The following UNC13B variants were observed in gnomAD, a reference collection of about 807,000 sequenced individuals.
The protein encoded by UNC13B is protein unc-13 homolog B.
A neutral mutation model predicts 211.0 loss-of-function variants in UNC13B; 144 were observed. The ratio of observed to expected loss-of-function variants is 0.68; its 90% CI spans 0.60 to 0.78. The LOEUF is 0.78. Ranked by LOEUF, UNC13B falls within the 30% of genes least tolerant of loss-of-function variation. The pLI, the probability that UNC13B is intolerant of heterozygous loss-of-function variation, is 0.00. For synonymous variants in UNC13B, 709 were observed against 725.8 expected (o/e 0.98, Z 0.37); for missense variants, 1,777 against 2,002.0 (o/e 0.89, Z 2.14).
intron 1 of UNC13B, among the ~76,000 whole-genome samples, chr9:35,174,052 A>G (rs1351945950): frequency 6.6e-6 from 1 of 152,226 alleles, no homozygotes; most frequent in Non-Finnish European, 1.5e-5. Context: ...ACTTATTTTA[A>G]TATAAAAACA....
At chr9:35,331,792 T>C (rs1311074772) in intron 11 of UNC13B, among the ~76,000 whole-genome samples, 2 of 152,228 alleles carry the variant, frequency 1.3e-5, no homozygotes, top group Non-Finnish European at 2.9e-5. Flanking sequence ...CTATTATTCT[T>C]AGATTCTCCC....
At chr9:35,187,758 G>A (rs2131330194) in intron 1 of UNC13B, among the ~76,000 whole-genome samples, 1 of 152,220 alleles carries the variant, frequency 6.6e-6, no homozygotes, top group East Asian at 1.9e-4. Context: ...TCCTCTTAAG[G>A]TCCCAAGATA....
intron 1 of UNC13B, among the ~76,000 whole-genome samples, chr9:35,189,652 T>C (rs1822545667): frequency 6.6e-6 from 1 of 152,136 alleles, no homozygotes; most frequent in African/African-American, 2.4e-5. Context: ...ACTTGTAACA[T>C]TTTTCATTTG....
rs932006200 is a variant in UNC13B at position 35,302,990 on chromosome 9, A to G, written c.3586A>G (p.Ile1196Val). The part of the protein sequence containing the change: ...IFNLLSNSGM[I>V]DHKPEEAKFM... ...TAACCTGCTATCAAATAGCGGTATG[A>G]TTGATCATAAACCAGAGGAAGCAAA... is the stretch of plus-strand genomic sequence containing the variant. Residue 1196 changes from isoleucine to valine, a missense_variant, in exon 9 of 40, where the codon ATT (isoleucine) becomes GTT (valine). Physicochemically the swap from Ile to Val is conservative, Grantham distance 29. Transcript: ENST00000635942. 1 of 398,604 alleles carries G rather than the reference A, an allele frequency of 2.5e-6. No individual in the cohort carries two copies. The highest frequency in any genetic ancestry group is 2.1e-5 in the African/African-American group (1 of 48,616). 24.7% of individuals were successfully genotyped at this position (398,604 alleles called of 1,614,324 possible).
intron 1 of UNC13B, among the ~76,000 whole-genome samples, chr9:35,203,061 G>T (rs1823410874): frequency 6.6e-6 from 1 of 152,114 alleles, no homozygotes; most frequent in African/African-American, 2.4e-5. Context: ...CAAAGTGCTG[G>T]GATTACAGGT....
At chr9:35,257,618 T>G (rs1260722097) in intron 6 of UNC13B, among the ~76,000 whole-genome samples, 3 of 143,896 alleles carry the variant, frequency 2.1e-5, no homozygotes, top group Non-Finnish European at 4.5e-5. Flanking sequence ...AAAGATGTTT[T>G]GAACATTTTT....
Position 35,386,182 on chromosome 9 carries a change from C to A in UNC13B, c.10983C>A (p.Ser3661Arg). 1 of 1,614,172 alleles carries A rather than the reference C, an allele frequency of 6.2e-7. No homozygotes were observed. The highest frequency in any genetic ancestry group is 8.5e-7 in the Non-Finnish European group (1 of 1,180,004). The change falls in exon 24 of 40, where the codon AGC (serine) becomes AGA (arginine). Residue 3661 changes from serine to arginine, a missense_variant. Coordinates refer to ENST00000635942, the MANE Select transcript of UNC13B (RefSeq NM_001371189.2). ...ATTGGCAGGTACAAGAACTGCAAAGCCCTCCAAGAGCCAGCCAGGTGGTAA... is the reference window on the plus strand; with the variant it reads ...ATTGGCAGGTACAAGAACTGCAAAGACCTCCAAGAGCCAGCCAGGTGGTAA... Reference protein sequence around the residue: ...FFRMKVQELQSPPRASQVVKD... With the variant: ...FFRMKVQELQRPPRASQVVKD...
At chr9:35,318,992 G>C (rs1830601503) in intron 11 of UNC13B, among the ~76,000 whole-genome samples, 1 of 152,170 alleles carries the variant, frequency 6.6e-6, no homozygotes, top group African/African-American at 2.4e-5. Flanking sequence ...GATAACAAGT[G>C]AAAGAAAATA....
At chr9:35,209,998 G>T (rs975580225) in intron 1 of UNC13B, among the ~76,000 whole-genome samples, 1 of 152,030 alleles carries the variant, frequency 6.6e-6, no homozygotes, top group African/African-American at 2.4e-5. Context: ...TCACCACTTT[G>T]GGAGGCCAAG....
intron 6 of UNC13B, among the ~76,000 whole-genome samples, chr9:35,251,484 G>T (rs372198159): frequency 6.6e-6 from 1 of 152,086 alleles, no homozygotes; most frequent in Non-Finnish European, 1.5e-5. Flanking sequence ...CTACTTGGGA[G>T]GCTGAGGCAG....
At chr9:35,310,443 T>C (rs1475907571) in intron 9 of UNC13B, 24 bp from the exon 10 acceptor site, 2 of 1,605,370 alleles carry the variant, frequency 1.2e-6, no homozygotes, top group Admixed American at 1.7e-5. Context: ...TATTTACTTA[T>C]CTGTCTTTCT....
chr9:35,357,627 T>C (rs1482725139), intron 11 of UNC13B, among the ~76,000 whole-genome samples: 1 of 151,268 alleles, frequency 6.6e-6, no homozygotes, highest in Non-Finnish European at 1.5e-5. Context: ...TTGGCTCATG[T>C]CTGTAATCCC....
At chr9:35,173,349 C>G (rs557118373) in intron 1 of UNC13B, among the ~76,000 whole-genome samples, 6 of 152,136 alleles carry the variant, frequency 3.9e-5, no homozygotes, top group African/African-American at 1.2e-4. Context: ...GCCCTCCATT[C>G]CCACAATTAC....
chr9:35,366,160 AG>A (rs1833758240), intron 11 of UNC13B, among the ~76,000 whole-genome samples: 1 of 152,234 alleles, frequency 6.6e-6, no homozygotes, highest in South Asian at 2.1e-4. Flanking sequence ...GCCTGAAAAA[AG>A]CATGTGCTAT....
chr9:35,183,395 G>A (rs1278152766), intron 1 of UNC13B, among the ~76,000 whole-genome samples: 2 of 134,648 alleles, frequency 1.5e-5, no homozygotes, highest in Admixed American at 7.1e-5. Context: ...CAGACGGGGC[G>A]GCCGGGCAGA....
intron 11 of UNC13B, among the ~76,000 whole-genome samples, chr9:35,328,597 C>CCCCT (rs1831152390): frequency 7.2e-6 from 1 of 139,128 alleles, no homozygotes; most frequent in Non-Finnish European, 1.6e-5. Context: ...TCTGAATTGT[C>CCCCT]CCCTTCCTTC....
intron 1 of UNC13B, among the ~76,000 whole-genome samples, chr9:35,215,238 C>CA (rs1202930948): frequency 1.3e-5 from 2 of 151,868 alleles, no homozygotes; most frequent in Non-Finnish European, 2.9e-5. Context: ...CCTGTTTCTA[C>CA]AAAAAATTTA....
At chr9:35,221,152 T>C (rs1006779419) in intron 1 of UNC13B, among the ~76,000 whole-genome samples, 1 of 152,316 alleles carries the variant, frequency 6.6e-6, no homozygotes, top group East Asian at 1.9e-4. Flanking sequence ...CACTGCGAAC[T>C]CTGCCTCCCG....
At chr9:35,392,525 G>C (rs1467251608) in intron 26 of UNC13B, among the ~76,000 whole-genome samples, 1 of 151,892 alleles carries the variant, frequency 6.6e-6, no homozygotes, top group African/African-American at 2.4e-5. Flanking sequence ...TGGATGATAG[G>C]AGAGTGGCAT....
Sources: gnomAD v4.1 joint callset for allele counts (sites outside exome capture counted in the v4.1 genomes callset) on GRCh38, gnomAD v4.1.1 for gene constraint, MANE v1.5 for transcripts, NCBI Gene and HGNC (gene_info 2026-07-23, HGNC 2026-07-21) for gene names.